The following TRIM33 variants were observed in gnomAD, a reference collection of about 807,000 sequenced individuals.
The protein encoded by TRIM33 is E3 ubiquitin-protein ligase TRIM33.
TRIM33 carries 20 observed loss-of-function variants against 125.4 expected under a neutral mutation model. That is an observed-to-expected ratio of 0.16 (90% CI 0.11 to 0.23). TRIM33 has a LOEUF of 0.23. Ranked by LOEUF, TRIM33 falls within the 10% of genes least tolerant of loss-of-function variation. The pLI is 1.00. For synonymous variants in TRIM33, 564 were observed against 513.9 expected, an observed-to-expected ratio of 1.10 and a Z score of -1.32; for missense variants, 920 against 1,411.4, an observed-to-expected ratio of 0.65 and a Z score of 5.58.
At chr1:114,470,581 C>T (rs1198243201) in intron 1 of TRIM33, among the ~76,000 whole-genome samples, 2 of 152,092 alleles carry the variant, frequency 1.3e-5, no homozygotes, top group Non-Finnish European at 2.9e-5. Flanking sequence ...AATAACCCTG[C>T]AATGGCCTCA....
chr1:114,481,659 GTGTATATATATGTGTGTATA>G (rs1420225631), intron 1 of TRIM33, among the ~76,000 whole-genome samples: 2 of 141,470 alleles, frequency 1.4e-5, no homozygotes, highest in Admixed American at 6.9e-5. Context: ...GTGTGTGTGT[GTGTATATATATGTGTGTATA>G]TATATATATA....
intron 1 of TRIM33, among the ~76,000 whole-genome samples, chr1:114,475,466 G>A (rs995604862): frequency 2.0e-5 from 3 of 152,222 alleles, no homozygotes; most frequent in Admixed American, 2.0e-4. Context: ...AGGATCATGA[G>A]GTCAGGAGAT....
intron 6 of TRIM33, among the ~76,000 whole-genome samples, chr1:114,429,891 T>C (rs1272549364): frequency 6.6e-5 from 10 of 152,102 alleles, no homozygotes; most frequent in Non-Finnish European, 4.4e-5. Flanking sequence ...TAAAAATAAA[T>C]CAAATCGGCA....
intron 13 of TRIM33, among the ~76,000 whole-genome samples, chr1:114,408,180 A>G (rs1652368952): frequency 6.6e-6 from 1 of 152,226 alleles, no homozygotes; most frequent in Non-Finnish European, 1.5e-5. Flanking sequence ...AGATGGAGAA[A>G]TCGGGAAAAC....
Position 114,410,263 on chromosome 1 carries a change from T to C in TRIM33, c.2115A>G (p.Ser705=), listed in dbSNP as rs1381061838. 3.7e-6 allele frequency: 6 copies of C among 1,613,882 alleles called. No individual in the cohort carries two copies. The African/African-American group carries it at 6.7e-5, about 18-fold the overall frequency. Residue 705 remains serine, a synonymous_variant, in exon 12 of 20, where the codon TCA becomes TCG. Transcript: ENST00000358465. ...SLDNLLSRYI[S]GSHLPPQPTS... is the part of the protein sequence containing the mutation. ...TAGGCTGTGGGGGTAGGTGACTGCCTGAGATGTATCTACTTAGTAGATTAT... is the reference window on the plus strand; with the variant it reads ...TAGGCTGTGGGGGTAGGTGACTGCCCGAGATGTATCTACTTAGTAGATTAT...
At chr1:114,501,561 C>T (rs1240994335) in intron 1 of TRIM33, among the ~76,000 whole-genome samples, 2 of 152,104 alleles carry the variant, frequency 1.3e-5, no homozygotes, top group Non-Finnish European at 1.5e-5. Context: ...CTCTTGGTCA[C>T]GGAGACCAGC....
At chr1:114,474,680 TAGGG>T (rs1212406493) in intron 1 of TRIM33, among the ~76,000 whole-genome samples, 2 of 145,602 alleles carry the variant, frequency 1.4e-5, no homozygotes, top group Admixed American at 6.9e-5. Flanking sequence ...TCACCTGAGG[TAGGG>T]AGTTCAAGAC....
chr1:114,429,572 C>T (rs1647810942), intron 6 of TRIM33, among the ~76,000 whole-genome samples: 2 of 150,888 alleles, frequency 1.3e-5, no homozygotes, highest in South Asian at 2.1e-4. Context: ...GACATCATTT[C>T]ATTTTTATGT....
At chr1:114,445,265 A>G (rs919019317) in intron 4 of TRIM33, among the ~76,000 whole-genome samples, 2 of 152,050 alleles carry the variant, frequency 1.3e-5, no homozygotes, top group South Asian at 4.1e-4. Context: ...GATAGGTCTC[A>G]CTCTCTCACC....
At position 114,438,909 on chromosome 1, in the gene TRIM33, G is replaced by A. The variant is rs1433364369; in HGVS notation, c.924-5176C>T. ...TATTTAAAGCTCTATATGAAGGGGA[G>A]ATGATAACAACCATAAGAGTTCAGG... On this transcript the variant is annotated intron_variant, in intron 4 of 19. Coordinates refer to ENST00000358465, the MANE Select transcript of TRIM33 (RefSeq NM_015906.4). Among the ~76,000 whole-genome samples the A allele has an allele frequency of 2.0e-5, 3 of 152,180 alleles. No individual in the cohort carries two copies. The East Asian group carries it at 5.8e-4, about 29-fold the overall frequency.
At chr1:114,480,495 A>AG (rs60118063) in intron 1 of TRIM33, among the ~76,000 whole-genome samples, 7 of 134,136 alleles carry the variant, frequency 5.2e-5, no homozygotes, top group Non-Finnish European at 9.4e-5. Flanking sequence ...AAAAAAAAAA[A>AG]GAAGTGAAAA....
rs1172026049 is a variant in TRIM33, at chr1:114,405,777, C to A, written c.2419-18G>T. 1.9e-6 allele frequency: 3 copies of A among 1,573,806 alleles called. 1 individual carries two copies. In the Middle Eastern group the frequency reaches 5.1e-4, roughly 268 times the overall value. ...CTGCTCAACTAAAACAAAACGATGA[C>A]AAATTCTTGAAGAATCATTTAATCT... On this transcript the variant is annotated intron_variant, in intron 14 of 19. Transcript: ENST00000358465.
At chr1:114,496,485 T>C (rs1570669960) in intron 1 of TRIM33, among the ~76,000 whole-genome samples, 1 of 152,312 alleles carries the variant, frequency 6.6e-6, no homozygotes, top group Non-Finnish European at 1.5e-5. Flanking sequence ...ACACCTAACA[T>C]GTCCCATCAA....
intron 10 of TRIM33, among the ~76,000 whole-genome samples, chr1:114,421,910 G>C (rs1338653860): frequency 6.6e-6 from 1 of 152,178 alleles, no homozygotes; most frequent in Non-Finnish European, 1.5e-5. Flanking sequence ...ATGTAATAGA[G>C]GATCTGTAAA....
At position 114,421,363 on chromosome 1, in the gene TRIM33, ACT is replaced by A. The variant is rs944930455; in HGVS notation, c.2061+71_2061+72del. The A allele has an allele frequency of 5.2e-6, 7 of 1,358,838 alleles. No homozygotes were observed. The African/African-American group carries it at 5.9e-5, about 11-fold the overall frequency. 84.2% of individuals were successfully genotyped at this position (1,358,838 alleles called of 1,614,324 possible). ...GTTGATCCTGAATTAAAAAAAAAAAACTCTGAAATAAATACTCTAACTCTGTA... is the reference window on the plus strand; with the variant it reads ...GTTGATCCTGAATTAAAAAAAAAAAACTGAAATAAATACTCTAACTCTGTA... On this transcript the variant is annotated intron_variant, in intron 11 of 19. Coordinates refer to ENST00000358465, the MANE Select transcript of TRIM33 (RefSeq NM_015906.4).
intron 5 of TRIM33, 40 bp from the exon 6 acceptor site, chr1:114,430,952 C>A: frequency 8.8e-7 from 1 of 1,139,224 alleles, no homozygotes; most frequent in South Asian, 1.2e-5. Context: ...TCAACTTATC[C>A]TAGGTCTCTG....
At chr1:114,435,716 G>A (rs1648235045) in intron 4 of TRIM33, among the ~76,000 whole-genome samples, 1 of 151,656 alleles carries the variant, frequency 6.6e-6, no homozygotes, top group African/African-American at 2.4e-5. Context: ...AATATACGTA[G>A]TAAAATTTAT....
intron 1 of TRIM33, among the ~76,000 whole-genome samples, chr1:114,508,213 T>G (rs1257316532): frequency 6.6e-6 from 1 of 152,166 alleles, no homozygotes; most frequent in Non-Finnish European, 1.5e-5. Context: ...TGACAGCATT[T>G]GGTTAGTCCC....
chr1:114,478,291 C>T (rs1231055434), intron 1 of TRIM33, among the ~76,000 whole-genome samples: 2 of 152,150 alleles, frequency 1.3e-5, no homozygotes, highest in African/African-American at 2.4e-5. Flanking sequence ...CTGTCACACA[C>T]GGTAGAATCA....
Sources: gnomAD v4.1 joint callset for allele counts (sites outside exome capture counted in the v4.1 genomes callset) on GRCh38, gnomAD v4.1.1 for gene constraint, MANE v1.5 for transcripts, NCBI Gene and HGNC (gene_info 2026-07-23, HGNC 2026-07-21) for gene names.